Variants in MAGI1 observed in about 807,000 individuals in gnomAD.
The protein encoded by MAGI1 is membrane associated guanylate kinase, WW and PDZ domain containing 1, also known as membrane-associated guanylate kinase, WW and PDZ domain-containing protein 1.
A neutral mutation model predicts 139.9 loss-of-function variants in MAGI1; 58 were observed. That is an observed-to-expected ratio of 0.41 (90% CI 0.34 to 0.52). The LOEUF (loss-of-function observed/expected upper bound fraction) is 0.52, where lower values mean the gene tolerates loss of function less well. Among genes scored for constraint, MAGI1 ranks in the 20% least tolerant of loss-of-function variants. The probability of loss-of-function intolerance (pLI) is 0.12; values close to 1 mark genes in which losing one functional copy is unlikely to be tolerated. For missense variants in MAGI1, 1,874 were observed against 1,901.6 expected, an observed-to-expected ratio of 0.99 and a Z score of 0.27; for synonymous variants, 812 against 737.9, an observed-to-expected ratio of 1.10 and a Z score of -1.63.
chr3:65,887,824 G>C (rs1257412421), intron 1 of MAGI1, among the ~76,000 whole-genome samples: 1 of 152,120 alleles, frequency 6.6e-6, no homozygotes, highest in East Asian at 1.9e-4. Context: ...CACTTACTGA[G>C]TGACCTATTA....
intron 1 of MAGI1, among the ~76,000 whole-genome samples, chr3:65,788,151 T>C (rs1322416479): frequency 1.3e-5 from 2 of 152,198 alleles, no homozygotes; most frequent in Non-Finnish European, 2.9e-5. Flanking sequence ...AAAACAATGA[T>C]GAAAAAATCT....
intron 1 of MAGI1, among the ~76,000 whole-genome samples, chr3:65,734,770 G>T (rs1228936370): frequency 2.6e-5 from 4 of 151,400 alleles, no homozygotes; most frequent in African/African-American, 9.7e-5. Context: ...TGTGTGTATG[G>T]ATTTATTATA....
intron 1 of MAGI1, among the ~76,000 whole-genome samples, chr3:65,824,558 T>G (rs2042123660): frequency 6.6e-6 from 1 of 152,194 alleles, no homozygotes; most frequent in Non-Finnish European, 1.5e-5. Context: ...TAGAAAGAAT[T>G]TGTGTGTCTT....
At chr3:65,653,206 A>G (rs1303998076) in intron 1 of MAGI1, among the ~76,000 whole-genome samples, 1 of 152,134 alleles carries the variant, frequency 6.6e-6, no homozygotes, top group African/African-American at 2.4e-5. Context: ...CTTTCACAAC[A>G]TATCAACTGC....
chr3:65,841,447 GTTTTTGTTTTTT>G (rs983118064), intron 1 of MAGI1, among the ~76,000 whole-genome samples: 4 of 110,420 alleles, frequency 3.6e-5, no homozygotes, highest in African/African-American at 1.2e-4. Flanking sequence ...TTTTGTTTTT[GTTTTTGTTTTTT>G]TTTTGAGATG....
chr3:65,612,235 A>C (rs1349772839), intron 2 of MAGI1, among the ~76,000 whole-genome samples: 1 of 152,052 alleles, frequency 6.6e-6, no homozygotes, highest in Non-Finnish European at 1.5e-5. Context: ...AGAAAATATC[A>C]AATTTACAGA....
chr3:65,438,146 A>G (rs1014301358), intron 9 of MAGI1, among the ~76,000 whole-genome samples: 1 of 152,226 alleles, frequency 6.6e-6, no homozygotes, highest in Admixed American at 6.5e-5. Context: ...TCAGTGGATA[A>G]CTGGATAAAG....
At chr3:65,625,744 A>C (rs1443634358) in intron 1 of MAGI1, among the ~76,000 whole-genome samples, 1 of 152,212 alleles carries the variant, frequency 6.6e-6, no homozygotes, top group East Asian at 1.9e-4. Context: ...AATCCATGCA[A>C]ACCAAATTTA....
chr3:65,633,911 A>G (rs1168384347), intron 1 of MAGI1, among the ~76,000 whole-genome samples: 1 of 152,320 alleles, frequency 6.6e-6, no homozygotes, highest in African/African-American at 2.4e-5. Context: ...GAATCTAAAG[A>G]TACGGGTGTC....
intron 1 of MAGI1, among the ~76,000 whole-genome samples, chr3:65,856,869 T>A (rs968290195): frequency 6.6e-6 from 1 of 152,198 alleles, no homozygotes; most frequent in African/African-American, 2.4e-5. Flanking sequence ...CTCAAGTTCA[T>A]GAGACGCCTA....
At chr3:65,474,900 T>C (rs1023416317) in intron 4 of MAGI1, among the ~76,000 whole-genome samples, 2 of 152,146 alleles carry the variant, frequency 1.3e-5, no homozygotes, top group South Asian at 2.1e-4. Context: ...CTCACCAGTT[T>C]TGCGATACTG....
chr3:65,605,322 T>C (rs889601229), intron 2 of MAGI1, among the ~76,000 whole-genome samples: 3 of 152,316 alleles, frequency 2.0e-5, no homozygotes, highest in Admixed American at 6.5e-5. Context: ...ATGTTCACCA[T>C]GTGCATCTTT....
intron 5 of MAGI1, among the ~76,000 whole-genome samples, chr3:65,467,956 G>C (rs1412612653): frequency 6.6e-6 from 1 of 152,104 alleles, no homozygotes; most frequent in Admixed American, 6.6e-5. Context: ...GATGAAAATG[G>C]TAACAATAAC....
chr3:65,530,798 T>TATATACACAC (rs2078663245), intron 2 of MAGI1, among the ~76,000 whole-genome samples: 1 of 89,090 alleles, frequency 1.1e-5, no homozygotes, highest in Admixed American at 1.2e-4. Context: ...CACGTATATA[T>TATATACACAC]ATATATACAC....
At chr3:65,532,675 G>A (rs2078767357) in intron 2 of MAGI1, 1 of 152,282 alleles carries the variant, frequency 6.6e-6, no homozygotes, top group South Asian at 2.1e-4. Flanking sequence ...AAAATCTGTG[G>A]AGGGAAAGGC....
At chr3:65,624,562 G>A (rs559421203) in intron 1 of MAGI1, among the ~76,000 whole-genome samples, 1 of 152,300 alleles carries the variant, frequency 6.6e-6, no homozygotes, top group Admixed American at 6.5e-5. Context: ...GAAAGTTTTG[G>A]GATGGACTAA....
chr3:65,523,782 A>G (rs2107810406), intron 2 of MAGI1, among the ~76,000 whole-genome samples: 1 of 152,328 alleles, frequency 6.6e-6, no homozygotes, highest in South Asian at 2.1e-4. Context: ...TAGAAGTGAA[A>G]CACAAACAGT....
At chr3:65,707,010 C>T (rs1302135046) in intron 1 of MAGI1, among the ~76,000 whole-genome samples, 1 of 152,180 alleles carries the variant, frequency 6.6e-6, no homozygotes, top group South Asian at 2.1e-4. Context: ...AAGTGAACCA[C>T]CGTCTCGGCA....
rs569862258 is a variant in MAGI1 at position 65,707,952 on chromosome 3, G to A, written c.314-85864C>T. Among the ~76,000 whole-genome samples, 46 of 152,174 alleles carry A rather than the reference G, an allele frequency of 3.0e-4. No homozygotes were observed. In the South Asian group the frequency reaches 9.3e-3, roughly 31 times the overall value. The stretch of plus-strand genomic sequence containing the variant: ...TAACTGTGTGAAGAATATAAAACTG[G>A]CACATAGAAAGAATGAGGTAATATT... On this transcript the variant is annotated intron_variant, in intron 1 of 22. Coordinates refer to ENST00000402939, the MANE Select transcript of MAGI1 (RefSeq NM_001033057.2).
Sources: gnomAD v4.1 joint callset for allele counts (sites outside exome capture counted in the v4.1 genomes callset) on GRCh38, gnomAD v4.1.1 for gene constraint, MANE v1.5 for transcripts, NCBI Gene and HGNC (gene_info 2026-07-23, HGNC 2026-07-21) for gene names.